GOT1: variants seen among roughly 807,000 people sequenced by gnomAD.
GOT1 encodes the protein glutamic-oxaloacetic transaminase 1.
A neutral mutation model predicts 48.2 loss-of-function variants in GOT1; 25 were observed. That is an observed-to-expected ratio of 0.52 (90% CI 0.38 to 0.72). The LOEUF (loss-of-function observed/expected upper bound fraction) is 0.72. Among genes scored for constraint, GOT1 ranks in the 30% least tolerant of loss-of-function variants. GOT1 has a pLI of 0.00. For missense variants in GOT1, 380 were observed against 520.1 expected, an observed-to-expected ratio of 0.73 and a Z score of 2.62; for synonymous variants, 188 against 193.8, an observed-to-expected ratio of 0.97 and a Z score of 0.25.
chr10:99,415,533 T>C (rs1013581371), intron 2 of GOT1, among the ~76,000 whole-genome samples: 8 of 152,200 alleles, frequency 5.3e-5, no homozygotes, highest in South Asian at 2.1e-4. Context: ...GCTGGTACCA[T>C]TCCTTCTGAA....
intron 2 of GOT1, among the ~76,000 whole-genome samples, chr10:99,412,245 A>G (rs2032836128): frequency 6.6e-6 from 1 of 151,404 alleles, no homozygotes; most frequent in Non-Finnish European, 1.5e-5. Flanking sequence ...CTGTAAGAAC[A>G]GGATGAAGAC....
chr10:99,403,761 G>T lies in GOT1; in HGVS notation c.756C>A (p.Phe252Leu). 6.2e-7 allele frequency: 1 copy of T among 1,614,220 alleles called. No homozygotes were observed. The highest frequency in any genetic ancestry group is 8.5e-7 in the Non-Finnish European group (1 of 1,180,030). ...RYFVSEGFEF[F>L]CAQSFSKNFG... ...AGTTCTTGGAGAAGGACTGGGCACA[G>T]AAGAACTCGAAGCCTTCAGACACAA... Residue 252 changes from phenylalanine to leucine, a missense_variant, in exon 6 of 9, where the codon TTC becomes TTA. Transcript: ENST00000370508.
Position 99,403,471 on chromosome 10 carries a change from T to G in GOT1, c.957A>C (p.Glu319Asp). Residue 319 changes from glutamate (E) to aspartate (D), a missense_variant and splice_region_variant, in exon 7 of 9, where the codon GAA (glutamate) becomes GAC (aspartate). Glu to Asp is a conservative substitution (Grantham distance 45). Transcript: ENST00000370508. ...CCACCAGACTGGGAGCCCCTTACCA[T>G]TCCTCAAAGAGCTCAGGGTTAGAGA... ...STLSNPELFE[E>D]WTGNVKTMAD... is the part of the protein sequence containing the mutation. 1 of 1,611,814 alleles carries G rather than the reference T, an allele frequency of 6.2e-7. No individual in the cohort carries two copies.
At chr10:99,399,751 C>T (rs1180018752) in intron 8 of GOT1, among the ~76,000 whole-genome samples, 1 of 152,156 alleles carries the variant, frequency 6.6e-6, no homozygotes, top group African/African-American at 2.4e-5. Flanking sequence ...CCAGCCTGGG[C>T]AACAGAGTGA....
intron 1 of GOT1, among the ~76,000 whole-genome samples, chr10:99,423,542 C>T (rs2134109361): frequency 6.6e-6 from 1 of 152,336 alleles, no homozygotes; most frequent in Admixed American, 6.5e-5. Flanking sequence ...GTGGACAGGG[C>T]TACAGACTGA....
chr10:99,413,707 A>G (rs995823922), intron 2 of GOT1, among the ~76,000 whole-genome samples: 1 of 152,232 alleles, frequency 6.6e-6, no homozygotes, highest in African/African-American at 2.4e-5. Context: ...CGGGTTACCC[A>G]CAAAGGGAAG....
chr10:99,423,395 C>T (rs1186586055), intron 1 of GOT1, among the ~76,000 whole-genome samples: 1 of 152,048 alleles, frequency 6.6e-6, no homozygotes, highest in Non-Finnish European at 1.5e-5. Context: ...GGAAAAATAT[C>T]TAAATGTTAA....
intron 3 of GOT1, 139 bp downstream of exon 3, chr10:99,406,587 G>GCCATAAC: frequency 1.3e-6 from 1 of 770,772 alleles, no homozygotes; most frequent in South Asian, 1.7e-5. Context: ...CTCATGCACT[G>GCCATAAC]CCATAACCCA....
intron 7 of GOT1, among the ~76,000 whole-genome samples, chr10:99,403,130 A>C (rs1445148556): frequency 6.6e-6 from 1 of 152,108 alleles, no homozygotes; most frequent in Admixed American, 6.6e-5. Context: ...AAAAACCAAG[A>C]GCTCCCAAAC....
intron 2 of GOT1, among the ~76,000 whole-genome samples, chr10:99,419,262 TA>T (rs1328958197): frequency 1.3e-5 from 2 of 152,224 alleles, no homozygotes. Context: ...GCCACTGGTT[TA>T]AACTGTGCAA....
intron 2 of GOT1, among the ~76,000 whole-genome samples, chr10:99,408,176 G>A (rs991011702): frequency 1.8e-4 from 27 of 152,170 alleles, no homozygotes; most frequent in Admixed American, 3.9e-4. Context: ...AACTGATTCA[G>A]AGACATGTTT....
At chr10:99,412,000 T>C (rs550344539) in intron 2 of GOT1, among the ~76,000 whole-genome samples, 6 of 152,312 alleles carry the variant, frequency 3.9e-5, no homozygotes, top group Admixed American at 3.3e-4. Flanking sequence ...CTCAGAGAGC[T>C]TAAACAACAA....
rs776949680 is a variant in GOT1, at chr10:99,402,680, C to T, written c.1002G>A (p.Met334Ile). 6.2e-7 allele frequency: 1 copy of T among 1,613,968 alleles called. No homozygotes were observed. The highest frequency in any genetic ancestry group is 1.6e-4 in the Middle Eastern group (1 of 6,062). The change falls in exon 8 of 9, where the codon ATG becomes ATA. Residue 334 changes from methionine (M) to isoleucine (I), a missense_variant. Physicochemically the swap from Met to Ile is conservative, Grantham distance 10 (BLOSUM62 1). Coordinates refer to ENST00000370508, the MANE Select transcript of GOT1 (RefSeq NM_002079.3). The stretch of plus-strand genomic sequence containing the variant: ...CTAGTCGTGCCCTGAGTTCAGATCT[C>T]ATGGTCAGAATCCGGTCAGCCATTG... Reference protein sequence around the residue: ...VKTMADRILTMRSELRARLEA... With the variant: ...VKTMADRILTIRSELRARLEA...
chr10:99,414,986 G>T (rs1040914709), intron 2 of GOT1, among the ~76,000 whole-genome samples: 9 of 151,670 alleles, frequency 5.9e-5, no homozygotes, highest in African/African-American at 2.2e-4. Context: ...ACAAGAGAAA[G>T]CAGGAAAGAT....
intron 2 of GOT1, among the ~76,000 whole-genome samples, chr10:99,419,472 C>T (rs531796881): frequency 1.3e-5 from 2 of 152,318 alleles, no homozygotes; most frequent in Admixed American, 1.3e-4. Flanking sequence ...GGTCTCTTTA[C>T]AAGCTAGACC....
At chr10:99,409,353 C>T (rs1393180208) in intron 2 of GOT1, among the ~76,000 whole-genome samples, 1 of 152,028 alleles carries the variant, frequency 6.6e-6, no homozygotes, top group Non-Finnish European at 1.5e-5. Flanking sequence ...GGCTGCTCTC[C>T]AACTCCTGAC....
intron 3 of GOT1, 100 bp downstream of exon 3, chr10:99,406,626 G>T: frequency 8.3e-7 from 1 of 1,197,718 alleles, no homozygotes; most frequent in Non-Finnish European, 1.2e-6. Flanking sequence ...ACAGTCAGTT[G>T]TTCTAGGGCT....
In GOT1 at chr10:99,420,763, A is replaced by C; in HGVS notation, c.161T>G (p.Val54Gly). Residue 54 changes from valine (V) to glycine (G), a missense_variant, in exon 2 of 9, where the codon GTG becomes GGG. Coordinates refer to ENST00000370508, the MANE Select transcript of GOT1 (RefSeq NM_002079.3). ...DDCHPWVLPV[V>G]KKVEQKIAND... Reference sequence around the variant, plus strand: ...AGCAATCTTCTGCTCCACTTTCTTCACTACTGGCAAAACCCAGGGATGGCA... The same window carrying C: ...AGCAATCTTCTGCTCCACTTTCTTCCCTACTGGCAAAACCCAGGGATGGCA... 1 of 1,613,898 alleles carries C rather than the reference A, an allele frequency of 6.2e-7. No individual in the cohort carries two copies.
At chr10:99,415,020 C>G (rs1466503483) in intron 2 of GOT1, among the ~76,000 whole-genome samples, 1 of 151,970 alleles carries the variant, frequency 6.6e-6, no homozygotes, top group African/African-American at 2.4e-5. Flanking sequence ...CCTAACATCA[C>G]AATTAAAAGA....
Sources: gnomAD v4.1 joint callset for allele counts (sites outside exome capture counted in the v4.1 genomes callset) on GRCh38, gnomAD v4.1.1 for gene constraint, MANE v1.5 for transcripts, NCBI Gene and HGNC (gene_info 2026-07-23, HGNC 2026-07-21) for gene names.